LAMA2: variants seen among roughly 807,000 people sequenced by gnomAD.
LAMA2 encodes laminin subunit alpha-2.
A neutral mutation model predicts 364.8 loss-of-function variants in LAMA2; 269 were observed. The observed-to-expected ratio is 0.74, with a 90% CI of 0.67 to 0.82. The LOEUF is 0.82. Among genes scored for constraint, LAMA2 ranks in the 40% least tolerant of loss-of-function variants. The pLI, the probability that LAMA2 is intolerant of heterozygous loss-of-function variation, is 0.00. For missense variants in LAMA2, 3,807 were observed against 3,873.2 expected (o/e 0.98, Z 0.45); for synonymous variants, 1,379 against 1,370.6 (o/e 1.01, Z -0.14).
intron 55 of LAMA2, 97 bp downstream of exon 55, chr6:129,481,536 C>A: frequency 2.9e-6 from 3 of 1,042,450 alleles, no homozygotes; most frequent in Non-Finnish European, 3.0e-6. Context: ...TTTATTTCTG[C>A]TCTCATCTTG....
intron 58 of LAMA2, among the ~76,000 whole-genome samples, chr6:129,499,398 A>G (rs55813773): frequency 0.034 from 5,225 of 152,244 alleles, 197 homozygotes; most frequent in African/African-American, 0.09. Context: ...AGGATGATTC[A>G]TCTTGCAATG....
intron 15 of LAMA2, among the ~76,000 whole-genome samples, chr6:129,266,424 A>G (rs1440185374): frequency 6.6e-6 from 1 of 152,176 alleles, no homozygotes; most frequent in Non-Finnish European, 1.5e-5. Context: ...ATACAAGCAA[A>G]GTTACAGAAG....
At chr6:129,388,561 A>G (rs1203070978) in intron 35 of LAMA2, among the ~76,000 whole-genome samples, 1 of 152,160 alleles carries the variant, frequency 6.6e-6, no homozygotes, top group East Asian at 1.9e-4. Context: ...ACCAGAGCAC[A>G]AGAGAAATAG....
At chr6:128,898,357 T>G (rs1051864519) in intron 1 of LAMA2, among the ~76,000 whole-genome samples, 1 of 152,224 alleles carries the variant, frequency 6.6e-6, no homozygotes, top group East Asian at 1.9e-4. Context: ...ACATAGGTAC[T>G]CTGCATTTCC....
chr6:129,315,915 G>A lies in LAMA2; in HGVS notation c.3889G>A (p.Gly1297Ser). 2 of 1,614,018 alleles carry A rather than the reference G, an allele frequency of 1.2e-6. No individual in the cohort carries two copies. The highest frequency in any genetic ancestry group is 2.2e-5 in the East Asian group (1 of 44,868). The change falls in exon 26 of 65, where the codon GGC (glycine) becomes AGC (serine). Residue 1297 changes from glycine to serine, a missense_variant. Physicochemically the swap from Gly to Ser is moderately conservative, Grantham distance 56. This residue lies in a region of LAMA2 where 3,333 missense variants were observed against 3,345.7 expected (regional missense o/e 1.00). Coordinates refer to ENST00000421865, the MANE Select transcript of LAMA2 (RefSeq NM_000426.4). ...CAGGCATATGGCTGCTCCTCTGATT[G>A]GCCAATTGACAAGGCATGAAATTGA... ...IVRHMAAPLI[G>S]QLTRHEIEMT... is the part of the protein sequence containing the mutation.
At chr6:129,041,560 AAATACAT>A (rs1229053266) in intron 1 of LAMA2, among the ~76,000 whole-genome samples, 2 of 152,222 alleles carry the variant, frequency 1.3e-5, no homozygotes, top group African/African-American at 4.8e-5. Context: ...CTGATATTGA[AAATACAT>A]AAAATCCAAA....
intron 1 of LAMA2, among the ~76,000 whole-genome samples, chr6:129,030,600 G>A (rs1014253666): frequency 7.7e-4 from 117 of 152,204 alleles, no homozygotes; most frequent in African/African-American, 2.7e-3. Flanking sequence ...AGAGTTCAGT[G>A]CTACACATTT....
intron 13 of LAMA2, among the ~76,000 whole-genome samples, chr6:129,251,006 GTCTC>G (rs1049936796): frequency 2.9e-5 from 3 of 102,552 alleles, no homozygotes; most frequent in African/African-American, 1.1e-4. Flanking sequence ...CTCTCTTTCT[GTCTC>G]TCTCTTTCTC....
chr6:129,291,545 T>G, intron 19 of LAMA2, 69 bp from the exon 20 acceptor site: 1 of 1,066,550 alleles, frequency 9.4e-7, no homozygotes, highest in East Asian at 2.5e-5. Context: ...TGGGGTATAT[T>G]ATTATTTAAC....
At chr6:128,970,978 G>A (rs960718332) in intron 1 of LAMA2, among the ~76,000 whole-genome samples, 3 of 152,014 alleles carry the variant, frequency 2.0e-5, no homozygotes, top group African/African-American at 7.2e-5. Context: ...AAGAAAAGGG[G>A]GCCAAGATAT....
chr6:129,448,769 G>C (rs1412330510), intron 45 of LAMA2, among the ~76,000 whole-genome samples: 1 of 152,186 alleles, frequency 6.6e-6, no homozygotes, highest in African/African-American at 2.4e-5. Context: ...TTAATGCTTA[G>C]TGATTTTTCT....
chr6:129,052,829 A>G (rs1380300016), intron 2 of LAMA2, among the ~76,000 whole-genome samples: 1 of 152,170 alleles, frequency 6.6e-6, no homozygotes, highest in African/African-American at 2.4e-5. Flanking sequence ...TATCCCAAAA[A>G]GAAAATTGAA....
intron 12 of LAMA2, among the ~76,000 whole-genome samples, chr6:129,233,348 T>A (rs1301048681): frequency 6.6e-6 from 1 of 152,202 alleles, no homozygotes; most frequent in Non-Finnish European, 1.5e-5. Context: ...GTTGAAAATT[T>A]GTTTATAATT....
chr6:129,336,169 G>A, intron 29 of LAMA2, among the ~76,000 whole-genome samples: 1 of 152,074 alleles, frequency 6.6e-6, no homozygotes. Flanking sequence ...ATCAGAATAG[G>A]TTCACTTTGT....
chr6:129,445,801 G>A lies in LAMA2; in HGVS notation c.6409G>A (p.Ala2137Thr). ...ISEIKELINQARKQANSIKVS... is the reference protein window; with the variant it reads ...ISEIKELINQTRKQANSIKVS... ...TGAGATAAAGGAATTGATAAACCAA[G>A]CTCGGAAACAAGCCAATTCTGTAAG... The change falls in exon 45 of 65, where the codon GCT (alanine) becomes ACT (threonine). Residue 2137 changes from alanine (A) to threonine (T), a missense_variant. Ala to Thr is a moderately conservative substitution (Grantham distance 58). This residue lies in a region of LAMA2 where 3,333 missense variants were observed against 3,345.7 expected (regional missense o/e 1.00). Coordinates refer to ENST00000421865, the MANE Select transcript of LAMA2 (RefSeq NM_000426.4). 7 of 1,613,670 alleles carry A rather than the reference G, an allele frequency of 4.3e-6. No individual in the cohort carries two copies. The highest frequency in any genetic ancestry group is 4.2e-6 in the Non-Finnish European group (5 of 1,179,716).
intron 10 of LAMA2, among the ~76,000 whole-genome samples, chr6:129,184,028 T>C (rs940070081): frequency 6.6e-6 from 1 of 151,954 alleles, no homozygotes; most frequent in African/African-American, 2.4e-5. Context: ...GGTATAATTA[T>C]CACACTGAAG....
At chr6:129,222,196 A>C (rs763871417) in intron 12 of LAMA2, among the ~76,000 whole-genome samples, 3 of 152,160 alleles carry the variant, frequency 2.0e-5, no homozygotes, top group African/African-American at 4.8e-5. Flanking sequence ...CAATGGGTAA[A>C]TGAAAAAATA....
Position 129,252,069 on chromosome 6 carries a change from T to C in LAMA2, c.1885-15T>C. ...CAGTTTTACTCTTTTTTATTTCTTT[T>C]TTTTCCCCCTTTAGGGTAATGACTT... is the stretch of plus-strand genomic sequence containing the variant. On this transcript the variant is annotated splice_polypyrimidine_tract_variant and intron_variant, in intron 13 of 64. Coordinates refer to ENST00000421865, the MANE Select transcript of LAMA2 (RefSeq NM_000426.4). 1.3e-6 allele frequency: 2 copies of C among 1,590,792 alleles called. No homozygotes were observed. Among genetic ancestry groups the C allele is most frequent in the Non-Finnish European group, 1.7e-6 (2 of 1,159,984 alleles).
intron 12 of LAMA2, among the ~76,000 whole-genome samples, chr6:129,227,079 T>A (rs1784347783): frequency 6.6e-6 from 1 of 152,206 alleles, no homozygotes; most frequent in African/African-American, 2.4e-5. Context: ...ATTTCATTCA[T>A]TTGATCTTCA....
Sources: gnomAD v4.1 joint callset for allele counts (sites outside exome capture counted in the v4.1 genomes callset) on GRCh38, gnomAD v4.1.1 for gene constraint, gnomAD v4.1.1 regional missense constraint, MANE v1.5 for transcripts, NCBI Gene and HGNC (gene_info 2026-07-23, HGNC 2026-07-21) for gene names.